VEPH1: variants seen among roughly 807,000 people sequenced by gnomAD.
VEPH1 encodes the protein ventricular zone expressed PH domain containing 1.
A neutral mutation model predicts 85.2 loss-of-function variants in VEPH1; 80 were observed. The ratio of observed to expected loss-of-function variants is 0.94; its 90% CI spans 0.78 to 1.13. The LOEUF (loss-of-function observed/expected upper bound fraction) is 1.13. Among genes scored for constraint, VEPH1 ranks in the 50% most tolerant of loss-of-function variants. The probability of loss-of-function intolerance (pLI) is 0.00; values close to 1 mark genes in which losing one functional copy is unlikely to be tolerated. For synonymous variants in VEPH1, 297 were observed against 348.0 expected, an observed-to-expected ratio of 0.85 and a Z score of 1.63; for missense variants, 955 against 980.5, an observed-to-expected ratio of 0.97 and a Z score of 0.35.
At chr3:157,434,573 A>G (rs927989399) in intron 4 of VEPH1, among the ~76,000 whole-genome samples, 1 of 152,166 alleles carries the variant, frequency 6.6e-6, no homozygotes, top group Non-Finnish European at 1.5e-5. Flanking sequence ...TTGGCCTCCC[A>G]AAGTACTGGG....
At chr3:157,331,532 G>C (rs1052965032) in intron 9 of VEPH1, among the ~76,000 whole-genome samples, 8 of 152,186 alleles carry the variant, frequency 5.3e-5, no homozygotes, top group African/African-American at 1.9e-4. Flanking sequence ...AAGACAGGGA[G>C]AGCGGGATAT....
rs1305238586 is a variant in VEPH1, at chr3:157,364,505, T to C, written c.1135A>G (p.Ile379Val). 5 of 1,613,404 alleles carry C rather than the reference T, an allele frequency of 3.1e-6. No individual in the cohort carries two copies. In the African/African-American group the frequency reaches 5.3e-5, roughly 17 times the overall value. ...NTKAGSGRRK[I>V]STEIEFPEKL... ...TCAGGGAATTCAATTTCAGTGCTGA[T>C]TTTTCTCCTAAAGGAATATAAATCA... The change falls in exon 8 of 14, where the codon ATC becomes GTC. Residue 379 changes from isoleucine (I) to valine (V), a missense_variant. Transcript: ENST00000362010.
At chr3:157,347,931 G>T (rs1338017445) in intron 9 of VEPH1, among the ~76,000 whole-genome samples, 1 of 152,202 alleles carries the variant, frequency 6.6e-6, no homozygotes, top group Non-Finnish European at 1.5e-5. Flanking sequence ...AGCTGCTGCC[G>T]CTGGGCGCCA....
intron 9 of VEPH1, among the ~76,000 whole-genome samples, chr3:157,353,260 C>T (rs1725072244): frequency 6.6e-6 from 1 of 151,590 alleles, no homozygotes; most frequent in Non-Finnish European, 1.5e-5. Flanking sequence ...GCCTGCACCC[C>T]CAATCTGATT....
At chr3:157,398,147 C>T (rs1403897808) in intron 6 of VEPH1, among the ~76,000 whole-genome samples, 2 of 152,268 alleles carry the variant, frequency 1.3e-5, no homozygotes, top group South Asian at 2.1e-4. Context: ...GTTCTCACAA[C>T]CTGCTCAACC....
intron 9 of VEPH1, among the ~76,000 whole-genome samples, chr3:157,357,111 C>A (rs1373432218): frequency 6.6e-6 from 1 of 152,148 alleles, no homozygotes; most frequent in Non-Finnish European, 1.5e-5. Flanking sequence ...ACCCACATCT[C>A]CTCATTTTTC....
intron 7 of VEPH1, among the ~76,000 whole-genome samples, chr3:157,370,835 A>C (rs1180442075): frequency 6.6e-6 from 1 of 152,230 alleles, no homozygotes; most frequent in African/African-American, 2.4e-5. Context: ...ACTGAACAGA[A>C]TCTTATGGGG....
intron 12 of VEPH1, among the ~76,000 whole-genome samples, chr3:157,272,387 C>T (rs1714779532): frequency 2.5e-5 from 3 of 118,154 alleles, no homozygotes; most frequent in Non-Finnish European, 3.5e-5. Flanking sequence ...TTCTTTCTTT[C>T]TTTCTTTCTT....
rs1331105607 is a variant in VEPH1 at position 157,429,674 on chromosome 3, T to C, written c.530-1186A>G. On this transcript the variant is annotated intron_variant, in intron 4 of 13. Coordinates refer to ENST00000362010, the MANE Select transcript of VEPH1 (RefSeq NM_001167912.2). The stretch of plus-strand genomic sequence containing the variant: ...TGTGTTCGTCAGTATTTATTTTCAA[T>C]AGTTTAATTTTCAACAATTTGTTTT... Among the ~76,000 whole-genome samples the C allele has an allele frequency of 3.9e-5, 6 of 152,236 alleles. 1 individual carries two copies. The highest frequency in any genetic ancestry group is 3.9e-4 in the Admixed American group (6 of 15,284).
At chr3:157,443,551 G>A (rs1366827032) in intron 4 of VEPH1, 1 of 152,616 alleles carries the variant, frequency 6.6e-6, no homozygotes, top group African/African-American at 2.4e-5. Context: ...GACTATTTTT[G>A]TAAAGCTCTA....
In VEPH1 at chr3:157,403,695, T is replaced by C. The variant is rs141972604; in HGVS notation, c.906+10186A>G. On this transcript the variant is annotated intron_variant, in intron 6 of 13. Coordinates refer to ENST00000362010, the MANE Select transcript of VEPH1 (RefSeq NM_001167912.2). The stretch of plus-strand genomic sequence containing the variant: ...ATGATATTTCCTGACTTCATGTATA[T>C]ACTGACATTGTCAAAGATTATGACT... Among the ~76,000 whole-genome samples, 460 of 152,284 alleles carry C rather than the reference T, an allele frequency of 3.0e-3. 8 individuals carry two copies. The East Asian group carries it at 0.044, about 15-fold the overall frequency.
At chr3:157,364,197 G>T in intron 8 of VEPH1, 106 bp downstream of exon 8, 1 of 796,766 alleles carries the variant, frequency 1.3e-6, no homozygotes, top group Non-Finnish European at 1.9e-6. Context: ...CACTTTGGGT[G>T]GCAATGGGTA....
chr3:157,444,908 T>G (rs1055870218), intron 4 of VEPH1, among the ~76,000 whole-genome samples: 1 of 152,240 alleles, frequency 6.6e-6, no homozygotes, highest in African/African-American at 2.4e-5. Context: ...TTCTAGGGAC[T>G]TCTAATTGTT....
At position 157,428,549 on chromosome 3, in the gene VEPH1, A is replaced by G; in HGVS notation, c.530-61T>C. 2.0e-6 allele frequency: 3 copies of G among 1,504,886 alleles called. No individual in the cohort carries two copies. The South Asian group carries it at 3.5e-5, about 18-fold the overall frequency. The allele number at this position is 1,504,886 out of a possible 1,614,324, so 93.2% of individuals were successfully genotyped here. A position where few individuals can be genotyped will look rare whatever the true frequency, so the allele number is the denominator to read the frequency against. On this transcript the variant is annotated intron_variant, in intron 4 of 13. Coordinates refer to ENST00000362010, the MANE Select transcript of VEPH1 (RefSeq NM_001167912.2). ...TCAGGCCATGAGCAACAGAAATAACATTATTACCAATGTAATAATATTTGC... is the reference window on the plus strand; with the variant it reads ...TCAGGCCATGAGCAACAGAAATAACGTTATTACCAATGTAATAATATTTGC...
chr3:157,382,567 G>A (rs1224708478), intron 6 of VEPH1, among the ~76,000 whole-genome samples: 3 of 151,970 alleles, frequency 2.0e-5, no homozygotes, highest in Non-Finnish European at 4.4e-5. Flanking sequence ...TTTTGTGTAT[G>A]TCTAAAATTT....
At chr3:157,499,725 G>A (rs1739954639) in intron 1 of VEPH1, 1 of 152,166 alleles carries the variant, frequency 6.6e-6, no homozygotes, top group Non-Finnish European at 1.5e-5. Flanking sequence ...AGAACTCCCT[G>A]TGTTCGTGAA....
intron 9 of VEPH1, among the ~76,000 whole-genome samples, chr3:157,322,853 A>G (rs1338634445): frequency 2.0e-5 from 3 of 152,232 alleles, no homozygotes; most frequent in Admixed American, 1.3e-4. Flanking sequence ...ATTTAATTGT[A>G]TGAATGTCCT....
At chr3:157,495,583 G>C in intron 1 of VEPH1, 77 bp from the exon 2 acceptor site, 1 of 910,842 alleles carries the variant, frequency 1.1e-6, no homozygotes, top group East Asian at 3.4e-5. Flanking sequence ...AGTGTCCAGC[G>C]GAGAGAGAGA....
At chr3:157,298,563 AG>A (rs900072548) in intron 11 of VEPH1, among the ~76,000 whole-genome samples, 7 of 152,112 alleles carry the variant, frequency 4.6e-5, no homozygotes, top group African/African-American at 1.7e-4. Context: ...CTAGCACTAG[AG>A]TGTGTGGTGG....
Sources: gnomAD v4.1 joint callset for allele counts (sites outside exome capture counted in the v4.1 genomes callset) on GRCh38, gnomAD v4.1.1 for gene constraint, MANE v1.5 for transcripts, NCBI Gene and HGNC (gene_info 2026-07-23, HGNC 2026-07-21) for gene names.